The following LRRC74A variants were observed in gnomAD, a reference collection of about 807,000 sequenced individuals.
LRRC74A encodes leucine-rich repeat-containing protein 74A.
Under a neutral mutation model 57.9 loss-of-function variants are expected in LRRC74A, and 44 were observed. That is an observed-to-expected ratio of 0.76 (90% confidence interval 0.60 to 0.98). The LOEUF is 0.98. LRRC74A is among the 50% of genes least tolerant of loss of function. The probability of loss-of-function intolerance (pLI) is 0.00; values close to 1 mark genes in which losing one functional copy is unlikely to be tolerated. For synonymous variants in LRRC74A, 211 were observed against 219.4 expected (o/e 0.96, Z 0.34); for missense variants, 572 against 574.0 (o/e 1.00, Z 0.04).
At chr14:76,846,266 C>G (rs886564835) in intron 7 of LRRC74A, among the ~76,000 whole-genome samples, 3 of 152,076 alleles carry the variant, frequency 2.0e-5, no homozygotes, top group African/African-American at 7.2e-5. Flanking sequence ...AATTTTAAAG[C>G]CAGTGAATGT....
intron 11 of LRRC74A, 145 bp from the exon 12 acceptor site, chr14:76,865,823 C>T (rs1011451020): frequency 7.9e-6 from 5 of 632,002 alleles, no homozygotes; most frequent in South Asian, 1.8e-5. Context: ...ACCCGGGAGA[C>T]GCAGGCTCCT....
chr14:76,869,727 A>G (rs1899283773), intron 13 of LRRC74A, among the ~76,000 whole-genome samples: 1 of 151,632 alleles, frequency 6.6e-6, no homozygotes, highest in South Asian at 2.1e-4. Context: ...GCACCATTGC[A>G]CTACAGCCTG....
intron 1 of LRRC74A, 84 bp downstream of exon 1, chr14:76,826,818 C>T (rs1895609162): frequency 2.3e-6 from 2 of 887,194 alleles, no homozygotes; most frequent in South Asian, 2.8e-5. Flanking sequence ...ACCCTGAAGC[C>T]CACTTCTTTC....
At chr14:76,839,132 A>C (rs1467380130) in intron 5 of LRRC74A, among the ~76,000 whole-genome samples, 1 of 152,238 alleles carries the variant, frequency 6.6e-6, no homozygotes, top group African/African-American at 2.4e-5. Flanking sequence ...TTTGCCTTCA[A>C]GTAATGTTTT....
chr14:76,860,690 C>T lies in LRRC74A; in HGVS notation c.1054-3C>T, dbSNP rs1898228316. 2.5e-6 allele frequency: 4 copies of T among 1,605,146 alleles called. No homozygotes were observed. Among genetic ancestry groups the T allele is most frequent in the Middle Eastern group, 1.7e-4 (1 of 6,008 alleles). ...TCATGGGTCCCCTCTCTCCCTGTCA[C>T]AGAACGTGCTGGTGTCCGAGCAGTT... is the stretch of plus-strand genomic sequence containing the variant. On this transcript the variant is annotated splice_region_variant and splice_polypyrimidine_tract_variant and intron_variant, in intron 10 of 13. Transcript: ENST00000689127.
intron 11 of LRRC74A, among the ~76,000 whole-genome samples, chr14:76,864,501 G>T: frequency 6.6e-6 from 1 of 151,628 alleles, no homozygotes; most frequent in East Asian, 1.9e-4. Context: ...CTGTAATATC[G>T]TAAGGCCGGG....
chr14:76,868,451 A>T (rs1333748453), intron 13 of LRRC74A, among the ~76,000 whole-genome samples: 1 of 152,244 alleles, frequency 6.6e-6, no homozygotes, highest in African/African-American at 2.4e-5. Flanking sequence ...CCTGGACGAC[A>T]AAGTGAGACC....
At chr14:76,828,175 T>C in intron 1 of LRRC74A, 116 bp from the exon 2 acceptor site, 1 of 1,360,266 alleles carries the variant, frequency 7.4e-7, no homozygotes, top group Non-Finnish European at 9.9e-7. Flanking sequence ...CTTGGCACCT[T>C]GAGGACCTGG....
intron 13 of LRRC74A, among the ~76,000 whole-genome samples, chr14:76,868,910 G>A (rs892119171): frequency 2.6e-5 from 4 of 152,224 alleles, no homozygotes; most frequent in Admixed American, 2.0e-4. Flanking sequence ...CTGGGAGGGG[G>A]CTGCAAGGAG....
chr14:76,863,677 C>A (rs1898511212), intron 11 of LRRC74A, among the ~76,000 whole-genome samples: 1 of 152,196 alleles, frequency 6.6e-6, no homozygotes, highest in African/African-American at 2.4e-5. Context: ...AGTAGCTGGG[C>A]AAGGTTCTTA....
At chr14:76,867,289 G>A (rs1899005301) in intron 12 of LRRC74A, 67 bp from the exon 13 acceptor site, 3 of 513,786 alleles carry the variant, frequency 5.8e-6, no homozygotes, top group Non-Finnish European at 1.1e-5. Flanking sequence ...AGTGTGTTTG[G>A]GGGGGTGTGC....
intron 11 of LRRC74A, 116 bp from the exon 12 acceptor site, chr14:76,865,852 T>C: frequency 1.2e-6 from 1 of 810,946 alleles, no homozygotes; most frequent in Non-Finnish European, 2.0e-6. Context: ...CCTTCTGCCC[T>C]TTTTAGCCTT....
chr14:76,853,174 G>A (rs193192861), intron 8 of LRRC74A, 42 bp from the exon 9 acceptor site: 33 of 1,549,790 alleles, frequency 2.1e-5, no homozygotes, highest in Middle Eastern at 1.7e-4. Context: ...GATGAGTCAC[G>A]CGTAACCTTG....
intron 5 of LRRC74A, among the ~76,000 whole-genome samples, chr14:76,842,669 A>ATTCC (rs1896855094): frequency 6.6e-6 from 1 of 152,112 alleles, no homozygotes. Flanking sequence ...GCATTCATTC[A>ATTCC]TTCATTCATT....
chr14:76,859,607 C>T (rs902517316), intron 10 of LRRC74A, among the ~76,000 whole-genome samples: 4 of 145,294 alleles, frequency 2.8e-5, no homozygotes, highest in African/African-American at 1.0e-4. Context: ...AACCCGTAAG[C>T]TGTGACCACA....
At chr14:76,855,615 T>C (rs1298113698) in intron 9 of LRRC74A, among the ~76,000 whole-genome samples, 1 of 152,172 alleles carries the variant, frequency 6.6e-6, no homozygotes, top group Non-Finnish European at 1.5e-5. Context: ...TGATGCCCCT[T>C]GCCCTAAGCT....
At chr14:76,849,803 C>CA (rs35817889) in intron 7 of LRRC74A, among the ~76,000 whole-genome samples, 74,996 of 130,380 alleles carry the variant, frequency 0.58, 20,874 homozygotes, top group African/African-American at 0.73. Flanking sequence ...AATTCTGCCT[C>CA]AAAAAAAAAA....
chr14:76,836,587 G>A (rs554563667), intron 4 of LRRC74A, among the ~76,000 whole-genome samples: 1 of 152,308 alleles, frequency 6.6e-6, no homozygotes, highest in East Asian at 1.9e-4. Flanking sequence ...ATCGCCTGAG[G>A]TCAGGAGTTC....
intron 11 of LRRC74A, among the ~76,000 whole-genome samples, chr14:76,865,467 G>A (rs1164259356): frequency 1.3e-5 from 2 of 152,300 alleles, no homozygotes; most frequent in African/African-American, 4.8e-5. Flanking sequence ...TGAGCATTGA[G>A]GTGAAACTGT....
Sources: allele counts gnomAD v4.1 joint callset (sites outside exome capture counted in the v4.1 genomes callset), GRCh38; gene constraint gnomAD v4.1.1; transcripts MANE v1.5; gene names NCBI Gene and HGNC (gene_info 2026-07-23, HGNC 2026-07-21).